Variants in GALNT17 observed in about 807,000 individuals in gnomAD.
GALNT17 encodes the protein polypeptide N-acetylgalactosaminyltransferase 17, also known as UDP-GalNAc:polypeptide N-acetylgalactosaminyltransferase-like 3.
GALNT17 carries 29 observed loss-of-function variants against 63.7 expected under a neutral mutation model. The observed-to-expected ratio is 0.46, with a 90% confidence interval of 0.34 to 0.62. GALNT17 has a LOEUF of 0.62. GALNT17 is among the 20% of genes least tolerant of loss of function. GALNT17 has a pLI of 0.01. For missense variants in GALNT17, 603 were observed against 799.6 expected (o/e 0.75, Z 2.97); for synonymous variants, 305 against 318.3 (o/e 0.96, Z 0.45).
At position 71,615,479 on chromosome 7, in the gene GALNT17, T is replaced by C. The variant is rs981904454; in HGVS notation, c.1080+44077T>C. ...TTAGGAGCAAAGCACTTTTTTTTTT[T>C]TTTTTTTTTTTTTTTGAGACAGAGT... On this transcript the variant is annotated intron_variant, in intron 6 of 10. Coordinates refer to ENST00000333538, the MANE Select transcript of GALNT17 (RefSeq NM_022479.3). 2.2e-3 allele frequency among the ~76,000 whole-genome samples: 307 copies of C among 139,756 alleles called. 5 individuals are homozygous for C. The highest frequency in any genetic ancestry group is 0.02 in the East Asian group (95 of 4,690). The allele number at this position is 139,756 out of a possible 152,430, so 91.7% of individuals were successfully genotyped here. A position where few individuals can be genotyped will look rare whatever the true frequency, so the allele number is the denominator to read the frequency against.
At chr7:71,233,774 T>C (rs1789837209) in intron 1 of GALNT17, among the ~76,000 whole-genome samples, 1 of 152,154 alleles carries the variant, frequency 6.6e-6, no homozygotes, top group Admixed American at 6.5e-5. Flanking sequence ...CATTCTCACA[T>C]TGCTGTAAAG....
At chr7:71,383,855 T>C (rs1563052894) in intron 2 of GALNT17, among the ~76,000 whole-genome samples, 1 of 152,230 alleles carries the variant, frequency 6.6e-6, no homozygotes, top group Non-Finnish European at 1.5e-5. Flanking sequence ...GATTCATTTG[T>C]CTATTGATGA....
At chr7:71,201,179 C>T (rs1450855261) in intron 1 of GALNT17, among the ~76,000 whole-genome samples, 3 of 145,150 alleles carry the variant, frequency 2.1e-5, no homozygotes, top group East Asian at 4.1e-4. Flanking sequence ...TTTATGTGTT[C>T]GTGTATGTGC....
intron 5 of GALNT17, among the ~76,000 whole-genome samples, chr7:71,519,792 C>T (rs1788501024): frequency 6.6e-6 from 1 of 152,022 alleles, no homozygotes; most frequent in Non-Finnish European, 1.5e-5. Context: ...TTTTGTCCTC[C>T]CTTTTTGTGT....
intron 1 of GALNT17, among the ~76,000 whole-genome samples, chr7:71,178,521 G>C (rs1788680489): frequency 6.6e-6 from 1 of 152,058 alleles, no homozygotes; most frequent in Admixed American, 6.6e-5. Context: ...CTAAATATAA[G>C]TGTATTGAAT....
intron 6 of GALNT17, among the ~76,000 whole-genome samples, chr7:71,581,607 T>C (rs1789636513): frequency 6.6e-6 from 1 of 151,978 alleles, no homozygotes; most frequent in African/African-American, 2.4e-5. Context: ...CACGATGGGA[T>C]TTGGGTGGGG....
intron 7 of GALNT17, among the ~76,000 whole-genome samples, chr7:71,669,530 C>T (rs912455252): frequency 6.6e-6 from 1 of 151,506 alleles, no homozygotes; most frequent in East Asian, 1.9e-4. Flanking sequence ...AAACAAACAC[C>T]CTTCTGAATA....
chr7:71,321,922 C>CCTTCCTTCCTTCCTTCCCCTCCCTCCCT (rs1563001220), intron 1 of GALNT17, among the ~76,000 whole-genome samples: 1 of 28,436 alleles, frequency 3.5e-5, no homozygotes, highest in Non-Finnish European at 6.7e-5. Context: ...TTCCTTCCTT[C>CCTTCCTTCCTTCCTTCCCCTCCCTCCCT]CCCTCCCTCC....
At chr7:71,523,180 C>G (rs1326122119) in intron 5 of GALNT17, among the ~76,000 whole-genome samples, 1 of 152,192 alleles carries the variant, frequency 6.6e-6, no homozygotes, top group South Asian at 2.1e-4. Context: ...AATCCCAACA[C>G]TTTGGGAGGC....
intron 1 of GALNT17, among the ~76,000 whole-genome samples, chr7:71,198,237 A>G (rs1324310172): frequency 1.3e-5 from 2 of 151,560 alleles, no homozygotes; most frequent in Non-Finnish European, 2.9e-5. Flanking sequence ...ACCAACTTCA[A>G]GTGGGTATGG....
At chr7:71,620,655 A>G (rs1790276530) in intron 6 of GALNT17, among the ~76,000 whole-genome samples, 1 of 152,200 alleles carries the variant, frequency 6.6e-6, no homozygotes, top group African/African-American at 2.4e-5. Context: ...GTGATCATTT[A>G]ATGTATTCGT....
intron 1 of GALNT17, among the ~76,000 whole-genome samples, chr7:71,245,378 G>A (rs1336930933): frequency 2.0e-5 from 3 of 152,190 alleles, no homozygotes; most frequent in Admixed American, 6.5e-5. Context: ...ACTTTGTGCT[G>A]CCTGTCATCC....
intron 5 of GALNT17, among the ~76,000 whole-genome samples, chr7:71,518,219 T>C (rs1788474227): frequency 6.6e-6 from 1 of 152,216 alleles, no homozygotes; most frequent in African/African-American, 2.4e-5. Flanking sequence ...AAAATAGAAA[T>C]ACCGTGTGAG....
chr7:71,159,500 GCTTT>G (rs1248147518), intron 1 of GALNT17, among the ~76,000 whole-genome samples: 1 of 150,396 alleles, frequency 6.6e-6, no homozygotes, highest in Non-Finnish European at 1.5e-5. Flanking sequence ...TTAGTAACTG[GCTTT>G]CTTTTCTCAC....
rs563538683 is a variant in GALNT17, at chr7:71,675,902, CG to C, written c.1405-1308del. On this transcript the variant is annotated intron_variant, in intron 8 of 10. Coordinates refer to ENST00000333538, the MANE Select transcript of GALNT17 (RefSeq NM_022479.3). ...ACTCGGGAGGCTGAAGCAGGAGTAT[CG>C]CTTGAACCCAGGAGGTGGAGGTTGC... Among the ~76,000 whole-genome samples, 20 of 152,126 alleles carry C rather than the reference CG, an allele frequency of 1.3e-4. 1 individual carries two copies. Among genetic ancestry groups the C allele is most frequent in the Non-Finnish European group, 2.1e-4 (14 of 68,012 alleles).
chr7:71,249,491 G>A (rs564446172), intron 1 of GALNT17, among the ~76,000 whole-genome samples: 4 of 152,240 alleles, frequency 2.6e-5, no homozygotes, highest in African/African-American at 9.6e-5. Flanking sequence ...GTATTTAAAA[G>A]CATGAGATGA....
chr7:71,672,609 A>C (rs1170518773), intron 8 of GALNT17, among the ~76,000 whole-genome samples: 1 of 152,178 alleles, frequency 6.6e-6, no homozygotes, highest in African/African-American at 2.4e-5. Flanking sequence ...TAGGGTGCAG[A>C]GGCACAATCT....
rs182957380 is a variant in GALNT17 at position 71,710,874 on chromosome 7, C to T, written c.1614C>T (p.Leu538=). 2 of 1,613,990 alleles carry T rather than the reference C, an allele frequency of 1.2e-6. No homozygotes were observed. The highest frequency in any genetic ancestry group is 2.7e-5 in the African/African-American group (2 of 75,052). ...VDNSKSRLPQ[L]LDCDKVKSSL... Reference sequence around the variant, plus strand: ...ACTCCAAGAGTCGGCTGCCCCAGCTCCTGGACTGCGACAAGGTCAAGAGCA... The same window carrying T: ...ACTCCAAGAGTCGGCTGCCCCAGCTTCTGGACTGCGACAAGGTCAAGAGCA... Residue 538 remains leucine (L), a synonymous_variant, in exon 10 of 11, where the codon CTC becomes CTT. Transcript: ENST00000333538.
chr7:71,614,856 C>A (rs189691913), intron 6 of GALNT17, among the ~76,000 whole-genome samples: 1 of 102,504 alleles, frequency 9.8e-6, no homozygotes. Context: ...GAGAAAGAAA[C>A]AGAAAAACAA....
Sources: gnomAD v4.1 joint callset for allele counts (sites outside exome capture counted in the v4.1 genomes callset) on GRCh38, gnomAD v4.1.1 for gene constraint, MANE v1.5 for transcripts, NCBI Gene and HGNC (gene_info 2026-07-23, HGNC 2026-07-21) for gene names.